Variants in DNAH11 observed in about 807,000 individuals in gnomAD.
DNAH11 encodes dynein axonemal heavy chain 11, also known as axonemal beta dynein heavy chain 11.
DNAH11 carries 442 observed loss-of-function variants against 526.0 expected under a neutral mutation model. The ratio of observed to expected loss-of-function variants is 0.84; its 90% CI spans 0.78 to 0.91. DNAH11 has a LOEUF of 0.91. Among genes scored for constraint, DNAH11 ranks in the 40% least tolerant of loss-of-function variants. DNAH11 has a pLI of 0.00. For missense variants in DNAH11, 6,989 were observed against 5,448.7 expected (o/e 1.28, Z -8.90); for synonymous variants, 2,461 against 1,935.9 (o/e 1.27, Z -7.12).
chr7:21,729,592 A>G (rs1330414574), intron 45 of DNAH11, among the ~76,000 whole-genome samples: 1 of 152,210 alleles, frequency 6.6e-6, no homozygotes, highest in African/African-American at 2.4e-5. Context: ...TCAGTTAAGT[A>G]CTTGAGTTAG....
rs541618708 is a variant in DNAH11 at position 21,833,110 on chromosome 7, A to T, written c.10692-9434A>T. 3.3e-5 allele frequency among the ~76,000 whole-genome samples: 5 copies of T among 152,324 alleles called. No homozygotes were observed. In the South Asian group the frequency reaches 8.3e-4, roughly 25 times the overall value. ...GAACTGTCCCATTGAACAATAACAAAAATTCTAGACTTCTCTGATTCAGTG... is the reference window on the plus strand; with the variant it reads ...GAACTGTCCCATTGAACAATAACAATAATTCTAGACTTCTCTGATTCAGTG... On this transcript the variant is annotated intron_variant, in intron 65 of 81. Coordinates refer to ENST00000409508, the MANE Select transcript of DNAH11 (RefSeq NM_001277115.2).
intron 20 of DNAH11, 43 bp downstream of exon 20, chr7:21,606,776 C>A (rs1785305925): frequency 1.3e-5 from 19 of 1,490,998 alleles, no homozygotes; most frequent in Non-Finnish European, 1.7e-5. Context: ...AAAATAGCTA[C>A]TTTAAAAAAT....
intron 65 of DNAH11, among the ~76,000 whole-genome samples, chr7:21,833,767 T>C (rs932406175): frequency 6.6e-6 from 1 of 152,124 alleles, no homozygotes; most frequent in Non-Finnish European, 1.5e-5. Flanking sequence ...ATTTAAAATA[T>C]AAGTTTTATT....
Position 21,748,670 on chromosome 7 carries a change from G to A in DNAH11, c.8601G>A (p.Leu2867=), listed in dbSNP as rs1786267786. 6.2e-7 allele frequency: 1 copy of A among 1,613,610 alleles called. No homozygotes were observed. Among genetic ancestry groups the A allele is most frequent in the Non-Finnish European group, 8.5e-7 (1 of 1,179,690 alleles). ...GTGGCAAGCAGAGCTTGTCCAGGCT[G>A]GCAGCTTACCTTCGTGGCCTTGAGG... ...GGSGKQSLSR[L]AAYLRGLEVF... is the part of the protein sequence containing the mutation. The change falls in exon 52 of 82, where the codon CTG becomes CTA. Residue 2867 remains leucine, a synonymous_variant. Coordinates refer to ENST00000409508, the MANE Select transcript of DNAH11 (RefSeq NM_001277115.2).
rs1397257346 is a variant in DNAH11, at chr7:21,717,832, T to G, written c.7041T>G (p.Thr2347=). 1.9e-6 allele frequency: 3 copies of G among 1,613,822 alleles called. No individual in the cohort carries two copies. The highest frequency in any genetic ancestry group is 2.5e-6 in the Non-Finnish European group (3 of 1,179,858). The part of the protein sequence containing the change: ...RRHQSEKANL[T]ILFDKYVPAC... ...ATCAATCAGAAAAGGCCAATTTGAC[T>G]ATTCTTTTTGATAAATATGTCCCTG... The change falls in exon 43 of 82, where the codon ACT becomes ACG. Residue 2347 remains threonine (T), a synonymous_variant. Transcript: ENST00000409508.
intron 30 of DNAH11, among the ~76,000 whole-genome samples, chr7:21,660,177 G>A (rs1157190026): frequency 2.0e-5 from 3 of 151,918 alleles, no homozygotes; most frequent in Non-Finnish European, 4.4e-5. Context: ...ATAAATAACT[G>A]AGATAATTAA....
At chr7:21,829,663 A>T (rs150886611) in intron 65 of DNAH11, among the ~76,000 whole-genome samples, 39 of 152,348 alleles carry the variant, frequency 2.6e-4, no homozygotes, top group African/African-American at 8.9e-4. Context: ...TATAATCAAT[A>T]CTGATGACAT....
intron 21 of DNAH11, 88 bp from the exon 22 acceptor site, chr7:21,616,121 A>G: frequency 1.1e-6 from 1 of 946,420 alleles, no homozygotes; most frequent in Non-Finnish European, 1.7e-6. Flanking sequence ...TGATAGAGTT[A>G]CAGTGTATCA....
intron 35 of DNAH11, among the ~76,000 whole-genome samples, 168 bp downstream of exon 35, chr7:21,691,049 C>G (rs1484078002): frequency 2.6e-5 from 4 of 152,098 alleles, no homozygotes; most frequent in Admixed American, 1.3e-4. Flanking sequence ...TAAATTAACC[C>G]TTTTGAATTA....
At position 21,892,490 on chromosome 7, in the gene DNAH11, C is replaced by T; in HGVS notation, c.12573C>T (p.Tyr4191=). The T allele has an allele frequency of 6.2e-7, 1 of 1,613,940 alleles. No homozygotes were observed. Among genetic ancestry groups the T allele is most frequent in the South Asian group, 1.1e-5 (1 of 91,072 alleles). The change falls in exon 77 of 82, where the codon TAC becomes TAT. Residue 4191 remains tyrosine (Y), a synonymous_variant. Transcript: ENST00000409508. The stretch of plus-strand genomic sequence containing the variant: ...CACCCTACCTAGATTATGCAGGCTA[C>T]CACCAGTACATAGAGGAGATGCTTC... ...AAPPYLDYAG[Y]HQYIEEMLPP...
In DNAH11 at chr7:21,880,757, T is replaced by C; in HGVS notation, c.12251T>C (p.Leu4084Pro). 6.2e-7 allele frequency: 1 copy of C among 1,614,030 alleles called. No individual in the cohort carries two copies. The highest frequency in any genetic ancestry group is 8.5e-7 in the Non-Finnish European group (1 of 1,179,898). Residue 4084 changes from leucine to proline, a missense_variant, in exon 75 of 82, where the codon CTC (leucine) becomes CCC (proline). Leu to Pro is a moderately conservative substitution (Grantham distance 98, BLOSUM62 -3). Transcript: ENST00000409508. ...GAGTTTAAAAGCATCCTTTTTTCTC[T>C]CTGCTACTTCCACGCCTGTGTTGCT... Reference protein sequence around the residue: ...EQEFKSILFSLCYFHACVAGR... With the variant: ...EQEFKSILFSPCYFHACVAGR...
chr7:21,876,136 G>C (rs757039296), intron 74 of DNAH11, among the ~76,000 whole-genome samples: 6 of 151,980 alleles, frequency 3.9e-5, no homozygotes, highest in Non-Finnish European at 7.4e-5. Flanking sequence ...TGCCCGCCTC[G>C]GCATCCGAAG....
chr7:21,895,878 C>T lies in DNAH11; in HGVS notation c.13049+879C>T, dbSNP rs534043622. ...CCGAGTAGCTGGGACTACAGGCGCC[C>T]GCCACCACATCCGGTTAATTTTTTG... On this transcript the variant is annotated intron_variant, in intron 79 of 81. Transcript: ENST00000409508. Among the ~76,000 whole-genome samples, 116 of 152,226 alleles carry T rather than the reference C, an allele frequency of 7.6e-4. 1 individual carries two copies. Among genetic ancestry groups the T allele is most frequent in the African/African-American group, 1.0e-3 (43 of 41,528 alleles).
At chr7:21,625,418 AG>A (rs1333654470) in intron 25 of DNAH11, among the ~76,000 whole-genome samples, 1 of 152,044 alleles carries the variant, frequency 6.6e-6, no homozygotes, top group African/African-American at 2.4e-5. Flanking sequence ...GTCTGGCTAA[AG>A]GTTTGTTGAT....
intron 8 of DNAH11, among the ~76,000 whole-genome samples, chr7:21,572,460 G>A (rs1783930761): frequency 6.6e-6 from 1 of 152,132 alleles, no homozygotes; most frequent in African/African-American, 2.4e-5. Context: ...AGGAAAGGGG[G>A]AACCTTTCTG....
chr7:21,553,221 A>G (rs569336854), intron 2 of DNAH11, among the ~76,000 whole-genome samples: 1 of 151,752 alleles, frequency 6.6e-6, no homozygotes, highest in Non-Finnish European at 1.5e-5. Context: ...TGGGAGGCCC[A>G]TTATTACTTT....
intron 9 of DNAH11, among the ~76,000 whole-genome samples, chr7:21,587,430 G>T (rs1434154275): frequency 6.6e-6 from 1 of 152,046 alleles, no homozygotes; most frequent in Non-Finnish European, 1.5e-5. Context: ...TAGCCAGCAT[G>T]GATTCAGCCA....
chr7:21,679,377 A>G (rs1025994956), intron 30 of DNAH11, among the ~76,000 whole-genome samples: 1 of 152,226 alleles, frequency 6.6e-6, no homozygotes, highest in African/African-American at 2.4e-5. Context: ...CTAAGAGAGT[A>G]AATATCAAGT....
intron 25 of DNAH11, among the ~76,000 whole-genome samples, chr7:21,625,133 G>T (rs1224902830): frequency 6.6e-6 from 1 of 151,852 alleles, no homozygotes; most frequent in East Asian, 1.9e-4. Flanking sequence ...TTAAATGTTT[G>T]GCAGAATTCC....
Sources: allele counts gnomAD v4.1 joint callset (sites outside exome capture counted in the v4.1 genomes callset), GRCh38; gene constraint gnomAD v4.1.1; transcripts MANE v1.5; gene names NCBI Gene and HGNC (gene_info 2026-07-23, HGNC 2026-07-21).